C1orf87: variants seen among roughly 807,000 people sequenced by gnomAD.
C1orf87 encodes the protein uncharacterized protein C1orf87.
C1orf87 carries 58 observed loss-of-function variants against 60.5 expected under a neutral mutation model. That is an observed-to-expected ratio of 0.96 (90% CI 0.78 to 1.19). The LOEUF is 1.19. C1orf87 is among the 50% of genes most tolerant of loss of function. The pLI, the probability that C1orf87 is intolerant of heterozygous loss-of-function variation, is 0.00. For missense variants in C1orf87, 673 were observed against 638.6 expected, an observed-to-expected ratio of 1.05 and a Z score of -0.58; for synonymous variants, 236 against 227.4, an observed-to-expected ratio of 1.04 and a Z score of -0.34.
chr1:60,011,736 T>C (rs1335463732), intron 8 of C1orf87, among the ~76,000 whole-genome samples: 1 of 152,146 alleles, frequency 6.6e-6, no homozygotes, highest in Non-Finnish European at 1.5e-5. Context: ...TTATTATCTT[T>C]AAATAAAATG....
intron 9 of C1orf87, among the ~76,000 whole-genome samples, chr1:60,007,895 T>C (rs1281358351): frequency 6.6e-6 from 1 of 151,818 alleles, no homozygotes; most frequent in Non-Finnish European, 1.5e-5. Context: ...TGCAGAGAGG[T>C]CCTAGGAAAG....
rs1204948104 is a variant in C1orf87, at chr1:60,025,457, C to A, written c.1071G>T (p.Leu357=). 6.2e-7 allele frequency: 1 copy of A among 1,613,282 alleles called. No homozygotes were observed. Among genetic ancestry groups the A allele is most frequent in the East Asian group, 2.2e-5 (1 of 44,838 alleles). ...GGTTAAGCAATGTTTCCAGCAGGCT[C>A]AGGGTCAGATATAATCCATGCTTCC... ...ICGKHGLYLT[L]SLLETLLNHQ... is the part of the protein sequence containing the mutation. Residue 357 remains leucine, a synonymous_variant, in exon 8 of 12, where the codon CTG becomes CTT. Coordinates refer to ENST00000371201, the MANE Select transcript of C1orf87 (RefSeq NM_152377.3).
chr1:60,022,124 T>C (rs576816521), intron 8 of C1orf87, among the ~76,000 whole-genome samples: 2 of 151,452 alleles, frequency 1.3e-5, no homozygotes, highest in Admixed American at 1.3e-4. Flanking sequence ...TTTTTTTTTT[T>C]TTTGCCTTCT....
At chr1:60,026,566 G>C (rs1175110854) in intron 7 of C1orf87, among the ~76,000 whole-genome samples, 1 of 151,608 alleles carries the variant, frequency 6.6e-6, no homozygotes, top group East Asian at 1.9e-4. Context: ...GGGAGGGAGA[G>C]AGAGAGAGGT....
intron 8 of C1orf87, among the ~76,000 whole-genome samples, chr1:60,016,979 T>C (rs546097634): frequency 1.3e-5 from 2 of 152,322 alleles, no homozygotes; most frequent in East Asian, 1.9e-4. Flanking sequence ...TGTAGGAGAA[T>C]CAGTGTAGTG....
At chr1:60,002,118 A>G (rs150878507) in intron 9 of C1orf87, among the ~76,000 whole-genome samples, 304 of 152,206 alleles carry the variant, frequency 2.0e-3, no homozygotes, top group African/African-American at 6.7e-3. Flanking sequence ...GCCATTAACA[A>G]ATGTATATTA....
intron 5 of C1orf87, 106 bp downstream of exon 5, chr1:60,039,810 TA>T (rs1432167432): frequency 1.6e-6 from 2 of 1,267,018 alleles, no homozygotes. Context: ...TAGTCAGGGA[TA>T]AAAGTTATTT....
chr1:60,022,834 C>A (rs1645173304), intron 8 of C1orf87, among the ~76,000 whole-genome samples: 1 of 152,122 alleles, frequency 6.6e-6, no homozygotes, highest in Non-Finnish European at 1.5e-5. Context: ...GACAGTCAAT[C>A]TGATAACCAA....
intron 11 of C1orf87, among the ~76,000 whole-genome samples, chr1:59,996,047 A>G (rs964996947): frequency 1.9e-4 from 29 of 152,078 alleles, no homozygotes; most frequent in African/African-American, 7.0e-4. Flanking sequence ...TGAATCTTTC[A>G]ATTAAAATTT....
chr1:60,042,440 T>G (rs984578419), intron 3 of C1orf87, among the ~76,000 whole-genome samples: 13 of 152,178 alleles, frequency 8.5e-5, no homozygotes, highest in Non-Finnish European at 1.9e-4. Context: ...AAATTGACAG[T>G]CATGTTGAAT....
chr1:59,997,217 C>A (rs758300335), intron 11 of C1orf87, among the ~76,000 whole-genome samples: 23 of 152,052 alleles, frequency 1.5e-4, no homozygotes, highest in Non-Finnish European at 2.5e-4. Context: ...CTGGGCAGGA[C>A]GTGCTGAGAG....
At chr1:59,991,331 C>A (rs1644922380) in intron 11 of C1orf87, among the ~76,000 whole-genome samples, 2 of 152,144 alleles carry the variant, frequency 1.3e-5, no homozygotes, top group Admixed American at 6.5e-5. Context: ...ATATTCCCCT[C>A]CCCAACAGTG....
chr1:60,020,703 T>C (rs949756274), intron 8 of C1orf87, among the ~76,000 whole-genome samples: 3 of 152,166 alleles, frequency 2.0e-5, no homozygotes, highest in Non-Finnish European at 2.9e-5. Context: ...TACAGGCTCA[T>C]AGGTAAAAGG....
At chr1:60,017,683 TG>T (rs1645133309) in intron 8 of C1orf87, among the ~76,000 whole-genome samples, 1 of 152,202 alleles carries the variant, frequency 6.6e-6, no homozygotes, top group African/African-American at 2.4e-5. Context: ...TACATGTTCC[TG>T]GCCAAGAACA....
chr1:59,999,173 C>T (rs1557455122), intron 10 of C1orf87, among the ~76,000 whole-genome samples: 1 of 152,088 alleles, frequency 6.6e-6, no homozygotes, highest in Non-Finnish European at 1.5e-5. Context: ...GGTTAACAAA[C>T]ATGGATTAAG....
At chr1:60,018,422 G>C (rs1267528582) in intron 8 of C1orf87, among the ~76,000 whole-genome samples, 1 of 152,130 alleles carries the variant, frequency 6.6e-6, no homozygotes, top group Non-Finnish European at 1.5e-5. Context: ...GAGAAATTGA[G>C]AGTGTTGATA....
At position 60,066,086 on chromosome 1, in the gene C1orf87, C is replaced by T. The variant is rs1443976164; in HGVS notation, c.107+6451G>A. Among the ~76,000 whole-genome samples, 6 of 152,298 alleles carry T rather than the reference C, an allele frequency of 3.9e-5. No individual in the cohort carries two copies. The East Asian group carries it at 1.2e-3, about 29-fold the overall frequency. On this transcript the variant is annotated intron_variant, in intron 2 of 11. Transcript: ENST00000371201. ...CTAATAATCATCTGTGAGCCTTTAGCAAGTCCTCATCTTTTTGATAGTGGA... is the reference window on the plus strand; with the variant it reads ...CTAATAATCATCTGTGAGCCTTTAGTAAGTCCTCATCTTTTTGATAGTGGA...
chr1:60,007,817 A>T (rs1318916283), intron 9 of C1orf87, among the ~76,000 whole-genome samples: 1 of 152,048 alleles, frequency 6.6e-6, no homozygotes. Context: ...TTAATGATAT[A>T]AATTTTCTAA....
chr1:60,019,501 C>T (rs1249877181), intron 8 of C1orf87, among the ~76,000 whole-genome samples: 1 of 152,078 alleles, frequency 6.6e-6, no homozygotes, highest in Non-Finnish European at 1.5e-5. Context: ...TATAAAGATA[C>T]ATGAAAGTGT....
Sources: allele counts gnomAD v4.1 joint callset (sites outside exome capture counted in the v4.1 genomes callset), GRCh38; gene constraint gnomAD v4.1.1; transcripts MANE v1.5; gene names NCBI Gene and HGNC (gene_info 2026-07-23, HGNC 2026-07-21).